DNAAF4: variants seen among roughly 807,000 people sequenced by gnomAD.
DNAAF4 encodes the protein dynein axonemal assembly factor 4, also known as dynein assembly factor 4, axonemal.
In DNAAF4, 43 loss-of-function variants were observed where a neutral mutation model predicts 51.8. The ratio of observed to expected loss-of-function variants is 0.83; its 90% CI spans 0.65 to 1.07. DNAAF4 has a LOEUF of 1.07. Among genes scored for constraint, DNAAF4 ranks in the 50% least tolerant of loss-of-function variants. The probability of loss-of-function intolerance (pLI) is 0.00; values close to 1 mark genes in which losing one functional copy is unlikely to be tolerated. For missense variants in DNAAF4, 581 were observed against 493.0 expected (o/e 1.18, Z -1.69); for synonymous variants, 194 against 165.6 (o/e 1.17, Z -1.32).
At chr15:55,455,387 A>AACATAT (rs1555416510) in intron 5 of DNAAF4, among the ~76,000 whole-genome samples, 1 of 127,374 alleles carries the variant, frequency 7.9e-6, no homozygotes, top group Non-Finnish European at 1.6e-5. Flanking sequence ...TAGCAAATTG[A>AACATAT]ATATATATAT....
At chr15:55,482,010 C>T (rs1214659688) in intron 4 of DNAAF4, among the ~76,000 whole-genome samples, 1 of 152,218 alleles carries the variant, frequency 6.6e-6, no homozygotes, top group Non-Finnish European at 1.5e-5. Flanking sequence ...TTAGTACAAA[C>T]CTGAAAGAAC....
intron 2 of DNAAF4, 148 bp from the exon 3 acceptor site, chr15:55,498,007 G>C: frequency 7.6e-7 from 1 of 1,311,326 alleles, no homozygotes. Flanking sequence ...ATATGAGGAA[G>C]CCCTGGATAA....
At chr15:55,458,097 A>G (rs188420066) in intron 5 of DNAAF4, among the ~76,000 whole-genome samples, 158 of 152,300 alleles carry the variant, frequency 1.0e-3, no homozygotes, top group Middle Eastern at 3.4e-3. Context: ...AAGGAACCAG[A>G]AAAGTAATTC....
At chr15:55,460,183 A>ATT (rs372643539) in intron 5 of DNAAF4, among the ~76,000 whole-genome samples, 12,242 of 145,050 alleles carry the variant, frequency 0.084, 899 homozygotes, top group Non-Finnish European at 0.13. Flanking sequence ...TTACTTATTT[A>ATT]TTTATTTTTT....
At chr15:55,435,372 C>A (rs1390265794) in intron 7 of DNAAF4, among the ~76,000 whole-genome samples, 1 of 152,114 alleles carries the variant, frequency 6.6e-6, no homozygotes, top group Non-Finnish European at 1.5e-5. Context: ...AGGATGAAGC[C>A]TGTGGGTTGG....
downstream of DNAAF4, among the ~76,000 whole-genome samples, chr15:55,427,494 G>A (rs117909597): frequency 0.014 from 2,113 of 152,232 alleles, 22 homozygotes; most frequent in Non-Finnish European, 0.022. Flanking sequence ...CCTGGTTGGG[G>A]GGGCCACAAG....
intron 5 of DNAAF4, among the ~76,000 whole-genome samples, chr15:55,453,173 T>C (rs988229706): frequency 1.3e-5 from 2 of 152,154 alleles, no homozygotes; most frequent in Non-Finnish European, 2.9e-5. Context: ...TGCTCACTAA[T>C]CTTAGAAAGT....
intron 4 of DNAAF4, among the ~76,000 whole-genome samples, chr15:55,485,839 C>T (rs938725758): frequency 4.6e-5 from 7 of 151,668 alleles, no homozygotes; most frequent in Non-Finnish European, 1.0e-4. Flanking sequence ...CCAAAAAATA[C>T]AAAAAATTAG....
At chr15:55,418,535 A>G (rs1482185557) in intron 7 of DNAAF4, 7 of 1,507,856 alleles carry the variant, frequency 4.6e-6, no homozygotes, top group Non-Finnish European at 5.3e-6. Context: ...CAGAACCAGA[A>G]CTCTTGATTT....
intron 7 of DNAAF4, among the ~76,000 whole-genome samples, chr15:55,438,515 C>T (rs915061048): frequency 6.6e-6 from 1 of 152,068 alleles, no homozygotes; most frequent in Non-Finnish European, 1.5e-5. Flanking sequence ...CACACCAGGG[C>T]TCATGCCTGT....
Position 55,450,222 on chromosome 15 carries a change from C to G in DNAAF4, c.783G>C (p.Glu261Asp), listed in dbSNP as rs747809819. 1.2e-5 allele frequency: 20 copies of G among 1,607,654 alleles called. No homozygotes were observed. Among genetic ancestry groups the G allele is most frequent in the Non-Finnish European group, 1.7e-5 (20 of 1,178,310 alleles). ...TTGTAACTAGAGTAAGTATATATAC[C>G]TCCTCCTCTTCTGCTACTTGTGATT... The part of the protein sequence containing the change: ...LRESQVAEEE[E>D]WLHKQAEARR... The change falls in exon 6 of 10, where the codon GAG (glutamate) becomes GAC (aspartate). Residue 261 changes from glutamate to aspartate, a missense_variant and splice_region_variant. Physicochemically the swap from Glu to Asp is conservative, Grantham distance 45. Coordinates refer to ENST00000321149, the MANE Select transcript of DNAAF4 (RefSeq NM_130810.4).
chr15:55,443,965 T>A (rs1227691960), intron 6 of DNAAF4, among the ~76,000 whole-genome samples: 3 of 152,030 alleles, frequency 2.0e-5, no homozygotes, highest in Non-Finnish European at 4.4e-5. Context: ...ATGAGTAGAT[T>A]GCAAAAATTT....
rs77641439 is a variant in DNAAF4, at chr15:55,430,674, G to C, written c.1259C>G (p.Ser420Cys). 156,165 of 1,610,990 alleles carry C rather than the reference G, an allele frequency of 0.097. 8,196 individuals carry two copies. The highest frequency in any genetic ancestry group is 0.2 in the East Asian group (8,971 of 44,654). ...RNVIQGTELKS is the reference protein window; with the variant it reads ...RNVIQGTELKC ...CTTAGTTACTTCTAATAGTCATTAA[G>C]ATTTTAGTTCTGTTCCTTGAATTAC... The change falls in exon 10 of 10, where the codon TCT becomes TGT. Residue 420 changes from serine (S) to cysteine (C), a missense_variant. Coordinates refer to ENST00000321149, the MANE Select transcript of DNAAF4 (RefSeq NM_130810.4).
intron 3 of DNAAF4, among the ~76,000 whole-genome samples, chr15:55,497,089 G>T (rs114925350): frequency 6.6e-6 from 1 of 152,040 alleles, no homozygotes; most frequent in Admixed American, 6.6e-5. Flanking sequence ...ATCATTTCCT[G>T]TTCTAAGCGG....
intron 6 of DNAAF4, among the ~76,000 whole-genome samples, chr15:55,444,940 T>C (rs1391828226): frequency 6.6e-6 from 1 of 152,096 alleles, no homozygotes; most frequent in African/African-American, 2.4e-5. Flanking sequence ...CTTAAGGAGA[T>C]TTTGGGCTGA....
At chr15:55,448,948 A>G (rs1333048789) in intron 6 of DNAAF4, among the ~76,000 whole-genome samples, 1 of 148,258 alleles carries the variant, frequency 6.7e-6, no homozygotes, top group Admixed American at 6.7e-5. Context: ...TACCTTGTTT[A>G]ATAATATGAA....
intron 3 of DNAAF4, among the ~76,000 whole-genome samples, chr15:55,496,446 C>T (rs1048442297): frequency 1.3e-5 from 2 of 152,184 alleles, no homozygotes; most frequent in African/African-American, 4.8e-5. Flanking sequence ...CAGTTCCAGG[C>T]TGCCAGTCAC....
intron 3 of DNAAF4, among the ~76,000 whole-genome samples, chr15:55,495,681 G>C (rs996917286): frequency 6.6e-6 from 1 of 152,136 alleles, no homozygotes; most frequent in African/African-American, 2.4e-5. Flanking sequence ...GTTACAATGA[G>C]CTATGGTAAC....
At chr15:55,455,690 C>G (rs1021499832) in intron 5 of DNAAF4, among the ~76,000 whole-genome samples, 1 of 151,944 alleles carries the variant, frequency 6.6e-6, no homozygotes, top group Non-Finnish European at 1.5e-5. Context: ...CCTCGGCCTC[C>G]CAAAGTACTG....
Sources: allele counts gnomAD v4.1 joint callset (sites outside exome capture counted in the v4.1 genomes callset), GRCh38; gene constraint gnomAD v4.1.1; transcripts MANE v1.5; gene names NCBI Gene and HGNC (gene_info 2026-07-23, HGNC 2026-07-21).